The following PCLO variants were observed in gnomAD, a reference collection of about 807,000 sequenced individuals.
PCLO encodes the protein piccolo presynaptic cytomatrix protein.
A neutral mutation model predicts 427.5 loss-of-function variants in PCLO; 82 were observed. That is an observed-to-expected ratio of 0.19 (90% CI 0.16 to 0.23). The LOEUF (loss-of-function observed/expected upper bound fraction) is 0.23. PCLO is among the 10% of genes least tolerant of loss of function. PCLO has a pLI of 1.00. For synonymous variants in PCLO, 2,357 were observed against 2,155.4 expected (o/e 1.09, Z -2.59); for missense variants, 6,239 against 6,115.9 (o/e 1.02, Z -0.67).
In PCLO at chr7:82,953,176, T is replaced by C. The variant is rs780771780; in HGVS notation, c.7777A>G (p.Thr2593Ala). ...ITLPSEPGTP[T>A]DSSASQAITS... ...ATTGCTTGACTAGCAGAAGAATCTG[T>C]TGGAGTCCCTGGTTCAGATGGCAAT... Residue 2593 changes from threonine to alanine, a missense_variant, in exon 5 of 25, where the codon ACA becomes GCA. Thr to Ala is a moderately conservative substitution (Grantham distance 58). Transcript: ENST00000333891. 11 of 1,613,828 alleles carry C rather than the reference T, an allele frequency of 6.8e-6. No homozygotes were observed. Among genetic ancestry groups the C allele is most frequent in the East Asian group, 2.2e-5 (1 of 44,888 alleles).
chr7:82,818,202 C>G (rs1791716801), intron 20 of PCLO, among the ~76,000 whole-genome samples: 1 of 152,104 alleles, frequency 6.6e-6, no homozygotes, highest in Non-Finnish European at 1.5e-5. Flanking sequence ...GGTGTTTTAG[C>G]ATACAACTAA....
chr7:83,033,186 T>G (rs1183689808), intron 3 of PCLO, among the ~76,000 whole-genome samples: 1 of 152,108 alleles, frequency 6.6e-6, no homozygotes, highest in Admixed American at 6.6e-5. Flanking sequence ...TGTTTAAAAA[T>G]TACCCAATCT....
At chr7:82,792,768 G>T (rs569221227) in intron 22 of PCLO, among the ~76,000 whole-genome samples, 32 of 151,978 alleles carry the variant, frequency 2.1e-4, no homozygotes, top group African/African-American at 7.5e-4. Context: ...TGTTTCCTGG[G>T]TTCTTTACAT....
intron 3 of PCLO, among the ~76,000 whole-genome samples, chr7:83,079,426 C>A (rs562419612): frequency 2.6e-5 from 4 of 151,938 alleles, no homozygotes; most frequent in African/African-American, 9.7e-5. Context: ...AATAACTCTG[C>A]TGGAACCATT....
intron 3 of PCLO, among the ~76,000 whole-genome samples, chr7:83,032,288 CCTT>C (rs1272237743): frequency 6.6e-6 from 1 of 152,070 alleles, no homozygotes; most frequent in Admixed American, 6.6e-5. Context: ...TACTAGCACT[CCTT>C]CTTAAAACTC....
chr7:82,785,578 A>C (rs1408156997), intron 22 of PCLO, among the ~76,000 whole-genome samples: 1 of 152,180 alleles, frequency 6.6e-6, no homozygotes, highest in Non-Finnish European at 1.5e-5. Context: ...ATAGAACTTA[A>C]AAAGATCATT....
Position 82,826,597 on chromosome 7 carries a change from G to A in PCLO, c.14407C>T (p.Leu4803Phe), listed in dbSNP as rs753994318. Reference protein sequence around the residue: ...DYDRFSSNDFLGEVLIDLSST... With the variant: ...DYDRFSSNDFFGEVLIDLSST... Reference sequence around the variant, plus strand: ...GGAAGTCAGAGGCTTACCTCCCCAAGGAAGTCGTTGGATGAAAATCTATCA... The same window carrying A: ...GGAAGTCAGAGGCTTACCTCCCCAAAGAAGTCGTTGGATGAAAATCTATCA... The change falls in exon 18 of 25, where the codon CTT (leucine) becomes TTT (phenylalanine). Residue 4803 changes from leucine (L) to phenylalanine (F), a missense_variant. Physicochemically the swap from Leu to Phe is conservative, Grantham distance 22 (BLOSUM62 0). This residue lies in a region of PCLO where 877 missense variants were observed against 925.5 expected (regional missense o/e 0.95). Coordinates refer to ENST00000333891, the MANE Select transcript of PCLO (RefSeq NM_033026.6). 1.4e-5 allele frequency: 23 copies of A among 1,602,740 alleles called. No homozygotes were observed. In the South Asian group the frequency reaches 2.0e-4, roughly 14 times the overall value.
At chr7:83,151,467 T>C (rs1328977463) in intron 2 of PCLO, among the ~76,000 whole-genome samples, 1 of 152,194 alleles carries the variant, frequency 6.6e-6, no homozygotes, top group African/African-American at 2.4e-5. Flanking sequence ...GCAGAGAGCA[T>C]GTTATTATTT....
At chr7:82,805,086 CT>C (rs111966448) in intron 21 of PCLO, among the ~76,000 whole-genome samples, 2 of 149,294 alleles carry the variant, frequency 1.3e-5, no homozygotes, top group Non-Finnish European at 1.5e-5. Flanking sequence ...TGCAAAATGA[CT>C]TTTTTTTTAT....
At chr7:82,779,724 AT>A (rs59284675) in intron 22 of PCLO, among the ~76,000 whole-genome samples, 22 of 131,132 alleles carry the variant, frequency 1.7e-4, no homozygotes, top group Admixed American at 3.8e-4. Context: ...TTTGCTCTAT[AT>A]TTTTTTTTCT....
At chr7:82,823,077 T>C (rs898126884) in intron 19 of PCLO, among the ~76,000 whole-genome samples, 1 of 152,104 alleles carries the variant, frequency 6.6e-6, no homozygotes, top group Non-Finnish European at 1.5e-5. Context: ...ACATATTAAG[T>C]GTGGAGATTG....
intron 6 of PCLO, among the ~76,000 whole-genome samples, chr7:82,932,036 T>A (rs571134870): frequency 3.9e-4 from 59 of 152,238 alleles, no homozygotes; most frequent in African/African-American, 1.4e-3. Context: ...AGAAAGCTTA[T>A]GTCTTCACCG....
intron 3 of PCLO, among the ~76,000 whole-genome samples, chr7:83,001,505 A>AACACACACACACACACACAC (rs3035080): frequency 2.7e-5 from 4 of 149,050 alleles, no homozygotes; most frequent in African/African-American, 9.8e-5. Context: ...CACACATACA[A>AACACACACACACACACACAC]ACACACACAC....
At chr7:82,835,083 T>C (rs1206666093) in intron 16 of PCLO, among the ~76,000 whole-genome samples, 2 of 152,082 alleles carry the variant, frequency 1.3e-5, no homozygotes, top group Non-Finnish European at 1.5e-5. Flanking sequence ...TAGCTGGGAC[T>C]ATAGGTGTCC....
At chr7:82,763,529 T>C (rs1275987605) in intron 22 of PCLO, among the ~76,000 whole-genome samples, 1 of 152,094 alleles carries the variant, frequency 6.6e-6, no homozygotes, top group Non-Finnish European at 1.5e-5. Flanking sequence ...TATTTGATCA[T>C]TTTGATTTAA....
intron 3 of PCLO, among the ~76,000 whole-genome samples, chr7:83,015,054 T>C (rs2116017608): frequency 6.6e-6 from 1 of 152,230 alleles, no homozygotes; most frequent in East Asian, 1.9e-4. Context: ...ATGAGGAAAC[T>C]GAGGCACAGG....
chr7:82,975,006 T>C (rs940866223), intron 3 of PCLO, among the ~76,000 whole-genome samples: 1 of 152,128 alleles, frequency 6.6e-6, no homozygotes, highest in Admixed American at 6.6e-5. Flanking sequence ...CTCGATCTCC[T>C]GACCTGGTGA....
intron 6 of PCLO, among the ~76,000 whole-genome samples, chr7:82,941,510 G>T (rs905782343): frequency 2.8e-4 from 42 of 152,110 alleles, no homozygotes; most frequent in African/African-American, 7.2e-4. Context: ...ACTGATGTGG[G>T]CTTCACATGC....
chr7:82,890,643 T>G (rs1035203514), intron 9 of PCLO, among the ~76,000 whole-genome samples: 1 of 151,430 alleles, frequency 6.6e-6, no homozygotes. Context: ...AATTTTGTTG[T>G]AGTTGCTTTT....
Sources: allele counts gnomAD v4.1 joint callset (sites outside exome capture counted in the v4.1 genomes callset), GRCh38; gene constraint gnomAD v4.1.1; regional missense constraint gnomAD v4.1.1; transcripts MANE v1.5; gene names NCBI Gene and HGNC (gene_info 2026-07-23, HGNC 2026-07-21).